OPCML: variants seen among roughly 807,000 people sequenced by gnomAD.
OPCML encodes the protein opioid binding protein/cell adhesion molecule like, also known as opioid-binding protein/cell adhesion molecule.
Under a neutral mutation model 37.8 loss-of-function variants are expected in OPCML, and 13 were observed. The observed-to-expected ratio is 0.34, with a 90% confidence interval of 0.22 to 0.55. The LOEUF (loss-of-function observed/expected upper bound fraction) is 0.55, where lower values mean the gene tolerates loss of function less well. Among genes scored for constraint, OPCML ranks in the 20% least tolerant of loss-of-function variants. The pLI is 0.91. For missense variants in OPCML, 341 were observed against 435.6 expected (o/e 0.78, Z 1.93); for synonymous variants, 176 against 168.8 (o/e 1.04, Z -0.33).
intron 1 of OPCML, among the ~76,000 whole-genome samples, chr11:133,018,336 C>T (rs1000774819): frequency 3.3e-5 from 5 of 152,076 alleles, no homozygotes; most frequent in Non-Finnish European, 7.4e-5. Context: ...TATGTAGATA[C>T]GTGTGTGTGC....
At chr11:133,194,288 G>A (rs1267694645) in intron 1 of OPCML, among the ~76,000 whole-genome samples, 3 of 144,038 alleles carry the variant, frequency 2.1e-5, no homozygotes, top group Admixed American at 1.5e-4. Flanking sequence ...TCGGCTCACT[G>A]CAACCTCCGC....
chr11:132,427,489 G>A (rs2095981538), intron 7 of OPCML, among the ~76,000 whole-genome samples: 4 of 152,160 alleles, frequency 2.6e-5, no homozygotes, highest in Admixed American at 2.6e-4. Flanking sequence ...CGGCAAACGT[G>A]GCGCTGTGTT....
chr11:132,702,748 C>CT (rs968575972), intron 2 of OPCML, among the ~76,000 whole-genome samples: 20 of 151,318 alleles, frequency 1.3e-4, no homozygotes, highest in East Asian at 2.0e-4. Context: ...CTTTTTCACT[C>CT]TTTTTTTTTC....
At chr11:132,702,359 C>T (rs1460597281) in intron 2 of OPCML, among the ~76,000 whole-genome samples, 1 of 152,168 alleles carries the variant, frequency 6.6e-6, no homozygotes, top group Non-Finnish European at 1.5e-5. Flanking sequence ...TCCCCCAGCA[C>T]TTTGACTATA....
intron 1 of OPCML, among the ~76,000 whole-genome samples, chr11:133,412,646 CT>C (rs150738038): frequency 0.037 from 5,679 of 152,274 alleles, 139 homozygotes; most frequent in Non-Finnish European, 0.056. Flanking sequence ...ACGTATGCCC[CT>C]ATCCTCTCTT....
At chr11:132,650,177 T>G (rs1318915064) in intron 3 of OPCML, among the ~76,000 whole-genome samples, 1 of 152,210 alleles carries the variant, frequency 6.6e-6, no homozygotes, top group Non-Finnish European at 1.5e-5. Flanking sequence ...CAACAAGGTT[T>G]ACAGTCACCC....
At chr11:133,295,225 T>A (rs1942599571) in intron 1 of OPCML, among the ~76,000 whole-genome samples, 1 of 152,244 alleles carries the variant, frequency 6.6e-6, no homozygotes, top group African/African-American at 2.4e-5. Context: ...AGTTAATGCA[T>A]AGGTTTAAAG....
intron 2 of OPCML, among the ~76,000 whole-genome samples, chr11:132,729,108 C>T (rs1939523): frequency 0.69 from 104,261 of 152,022 alleles, 36,415 homozygotes; most frequent in African/African-American, 0.8. Flanking sequence ...CAAATGCCAC[C>T]GATGGAAGAG....
At chr11:132,659,481 A>T (rs995479600) in intron 2 of OPCML, among the ~76,000 whole-genome samples, 19 of 152,326 alleles carry the variant, frequency 1.2e-4, no homozygotes, top group Admixed American at 2.6e-4. Context: ...AGACAGAGTG[A>T]AGGGCGTGAT....
At chr11:132,566,973 T>G (rs2096424879) in intron 3 of OPCML, among the ~76,000 whole-genome samples, 2 of 141,560 alleles carry the variant, frequency 1.4e-5, no homozygotes, top group South Asian at 4.6e-4. Flanking sequence ...TCAGTTAGGT[T>G]TTTTTTTTTT....
chr11:133,374,822 C>G (rs762452566), intron 1 of OPCML, among the ~76,000 whole-genome samples: 1 of 152,186 alleles, frequency 6.6e-6, no homozygotes, highest in Non-Finnish European at 1.5e-5. Flanking sequence ...CAGTTCCCCT[C>G]CCTGAGCTCT....
At chr11:133,426,325 A>C (rs865823800) in intron 1 of OPCML, among the ~76,000 whole-genome samples, 2 of 152,212 alleles carry the variant, frequency 1.3e-5, no homozygotes, top group Non-Finnish European at 2.9e-5. Flanking sequence ...TCCTGATGTT[A>C]TCTCTATCAA....
intron 2 of OPCML, among the ~76,000 whole-genome samples, chr11:132,923,837 C>T (rs1944895083): frequency 7.1e-6 from 1 of 140,050 alleles, no homozygotes; most frequent in Non-Finnish European, 1.5e-5. Flanking sequence ...AATATCGGCT[C>T]ACCGCAACCC....
chr11:132,726,914 T>C (rs1944906527), intron 2 of OPCML, among the ~76,000 whole-genome samples: 1 of 152,184 alleles, frequency 6.6e-6, no homozygotes, highest in Non-Finnish European at 1.5e-5. Flanking sequence ...AGTTGTTCAG[T>C]ATAAAATAAT....
chr11:132,929,883 T>G (rs1223441337), intron 2 of OPCML, among the ~76,000 whole-genome samples: 2 of 152,102 alleles, frequency 1.3e-5, no homozygotes, highest in African/African-American at 4.8e-5. Flanking sequence ...CTCAATAAAC[T>G]AGGAATAGAA....
intron 1 of OPCML, among the ~76,000 whole-genome samples, chr11:133,011,644 T>C (rs540658383): frequency 6.1e-4 from 93 of 152,292 alleles, no homozygotes; most frequent in Non-Finnish European, 1.1e-3. Flanking sequence ...ATCCTTGTAT[T>C]TGTTAGGAAG....
intron 7 of OPCML, among the ~76,000 whole-genome samples, chr11:132,427,127 T>C (rs979201536): frequency 6.6e-6 from 1 of 152,066 alleles, no homozygotes; most frequent in African/African-American, 2.4e-5. Flanking sequence ...AAATGGCAGA[T>C]GGTAGGGTGA....
chr11:132,711,274 CTGATG>C lies in OPCML; in HGVS notation c.147-53960_147-53956del, dbSNP rs564950490. On this transcript the variant is annotated intron_variant, in intron 2 of 7. Coordinates refer to ENST00000524381, the MANE Select transcript of OPCML (RefSeq NM_001012393.5). ...ACACTCAATTAATATCAGTGATGAA[CTGATG>C]TGAAGACTAAAATGATCTTGGCAAA... is the stretch of plus-strand genomic sequence containing the variant. Among the ~76,000 whole-genome samples, 10 of 152,236 alleles carry C rather than the reference CTGATG, an allele frequency of 6.6e-5. 1 individual carries two copies. Among genetic ancestry groups the C allele is most frequent in the African/African-American group, 2.4e-4 (10 of 41,528 alleles).
At chr11:133,280,496 G>A (rs536294051) in intron 1 of OPCML, among the ~76,000 whole-genome samples, 20 of 152,262 alleles carry the variant, frequency 1.3e-4, no homozygotes, top group African/African-American at 4.8e-4. Context: ...CACCTACTCT[G>A]CCCTCCCCAT....
Sources: gnomAD v4.1 joint callset for allele counts (sites outside exome capture counted in the v4.1 genomes callset) on GRCh38, gnomAD v4.1.1 for gene constraint, MANE v1.5 for transcripts, NCBI Gene and HGNC (gene_info 2026-07-23, HGNC 2026-07-21) for gene names.